Variants in TYW1 observed in about 807,000 individuals in gnomAD.
TYW1 encodes the protein S-adenosyl-L-methionine-dependent tRNA 4-demethylwyosine synthase TYW1.
A neutral mutation model predicts 96.2 loss-of-function variants in TYW1; 46 were observed. The ratio of observed to expected loss-of-function variants is 0.48; its 90% CI spans 0.38 to 0.61. The LOEUF (loss-of-function observed/expected upper bound fraction) is 0.61. TYW1 is among the 20% of genes least tolerant of loss of function. The pLI is 0.00. For synonymous variants in TYW1, 274 were observed against 323.0 expected, an observed-to-expected ratio of 0.85 and a Z score of 1.63; for missense variants, 684 against 909.6, an observed-to-expected ratio of 0.75 and a Z score of 3.19.
chr7:67,183,244 C>T lies in TYW1; in HGVS notation c.1809+8C>T, dbSNP rs1222343855. 1 of 1,594,122 alleles carries T rather than the reference C, an allele frequency of 6.3e-7. No homozygotes were observed. The highest frequency in any genetic ancestry group is 1.1e-5 in the South Asian group (1 of 87,524). On this transcript the variant is annotated splice_region_variant and intron_variant, in intron 14 of 15. Transcript: ENST00000359626. ...GACTTCATCGAAGTGAAGGTAAGCC[C>T]CTGCTGACTCTGGTGGCTGTGGTGG...
intron 10 of TYW1, among the ~76,000 whole-genome samples, chr7:67,067,629 T>C (rs977466674): frequency 4.6e-5 from 7 of 152,254 alleles, no homozygotes; most frequent in African/African-American, 1.7e-4. Context: ...GGACAGTTTG[T>C]CTTTTTTAAC....
chr7:67,202,418 G>A (rs1307400193), intron 15 of TYW1, among the ~76,000 whole-genome samples: 1 of 152,002 alleles, frequency 6.6e-6, no homozygotes, highest in Non-Finnish European at 1.5e-5. Flanking sequence ...TGGAGACAGG[G>A]TCTCATCTCG....
At position 67,172,252 on chromosome 7, in the gene TYW1, A is replaced by C. The variant is rs571259741; in HGVS notation, c.1699-10874A>C. On this transcript the variant is annotated intron_variant, in intron 13 of 15. Coordinates refer to ENST00000359626, the MANE Select transcript of TYW1 (RefSeq NM_018264.4). ...TTATTGTTCTTTTAGTTGTTGCCCT[A>C]GTGATTGACGCAGGCATGCTTGACT... Among the ~76,000 whole-genome samples, 215 of 151,556 alleles carry C rather than the reference A, an allele frequency of 1.4e-3. 1 individual carries two copies. Among genetic ancestry groups the C allele is most frequent in the African/African-American group, 4.9e-3 (201 of 41,334 alleles).
chr7:67,013,441 A>G (rs1257438319), intron 4 of TYW1, among the ~76,000 whole-genome samples: 2 of 152,060 alleles, frequency 1.3e-5, no homozygotes, highest in Non-Finnish European at 2.9e-5. Context: ...CTGCCTTGAT[A>G]TGGATATTCA....
At chr7:67,123,513 G>A (rs1045667928) in intron 13 of TYW1, among the ~76,000 whole-genome samples, 13 of 152,198 alleles carry the variant, frequency 8.5e-5, no homozygotes, top group African/African-American at 2.7e-4. Flanking sequence ...TCTTAGGTTC[G>A]TGTTGAGGCA....
At chr7:67,123,902 T>C (rs1309891869) in intron 13 of TYW1, among the ~76,000 whole-genome samples, 1 of 152,156 alleles carries the variant, frequency 6.6e-6, no homozygotes, top group African/African-American at 2.4e-5. Flanking sequence ...GTGCAGTGTT[T>C]TGTGTGGAAG....
chr7:67,212,615 G>A (rs1232115543), intron 15 of TYW1, among the ~76,000 whole-genome samples: 2 of 152,082 alleles, frequency 1.3e-5, no homozygotes, highest in Non-Finnish European at 2.9e-5. Context: ...TTGATGAATG[G>A]CTGTTCCTGT....
At chr7:67,005,364 G>A (rs1366003758) in intron 3 of TYW1, among the ~76,000 whole-genome samples, 3 of 152,186 alleles carry the variant, frequency 2.0e-5, no homozygotes, top group African/African-American at 7.2e-5. Flanking sequence ...GGGAGGCCAA[G>A]GCAGGTGGAT....
At chr7:67,074,086 AAAG>A (rs1405921345) in intron 10 of TYW1, among the ~76,000 whole-genome samples, 16 of 151,946 alleles carry the variant, frequency 1.1e-4, no homozygotes, top group Admixed American at 9.8e-4. Context: ...AAAAAAAAAA[AAAG>A]AAATAAAATG....
intron 9 of TYW1, among the ~76,000 whole-genome samples, chr7:67,056,892 C>T (rs148150768): frequency 0.032 from 4,853 of 152,234 alleles, 283 homozygotes; most frequent in East Asian, 0.16. Context: ...TTTATACTTG[C>T]TCAGCAATTT....
intron 13 of TYW1, among the ~76,000 whole-genome samples, chr7:67,145,588 A>G (rs1798584626): frequency 6.6e-6 from 1 of 152,158 alleles, no homozygotes; most frequent in South Asian, 2.1e-4. Context: ...TTCCTGTGTT[A>G]CTATTGTTTC....
At chr7:67,003,936 C>T (rs1252181382) in intron 3 of TYW1, among the ~76,000 whole-genome samples, 2 of 152,070 alleles carry the variant, frequency 1.3e-5, no homozygotes, top group African/African-American at 2.4e-5. Flanking sequence ...CCCAGCTACA[C>T]GGGAGGCTAA....
At chr7:67,073,406 A>C (rs182141092) in intron 10 of TYW1, among the ~76,000 whole-genome samples, 3 of 152,298 alleles carry the variant, frequency 2.0e-5, no homozygotes, top group Non-Finnish European at 4.4e-5. Context: ...TGAGGTTGAA[A>C]TAACCTGTGT....
intron 11 of TYW1, among the ~76,000 whole-genome samples, chr7:67,092,659 C>T (rs1242729475): frequency 4.7e-5 from 7 of 148,220 alleles, no homozygotes; most frequent in African/African-American, 1.5e-4. Context: ...TTCTTTTCCA[C>T]GTGCCTATCA....
At chr7:67,212,681 GT>G (rs915500859) in intron 15 of TYW1, among the ~76,000 whole-genome samples, 2 of 145,950 alleles carry the variant, frequency 1.4e-5, no homozygotes, top group African/African-American at 5.1e-5. Context: ...GTTTTTTTTT[GT>G]TTTTTTTGAG....
intron 5 of TYW1, 21 bp from the exon 6 acceptor site, chr7:67,017,832 C>T (rs765797043): frequency 6.2e-7 from 1 of 1,600,988 alleles, no homozygotes; most frequent in Admixed American, 1.7e-5. Context: ...TGCTTTTAGC[C>T]TATCTATCTT....
At chr7:67,190,255 A>G (rs1174796768) in intron 14 of TYW1, among the ~76,000 whole-genome samples, 1 of 152,244 alleles carries the variant, frequency 6.6e-6, no homozygotes, top group Non-Finnish European at 1.5e-5. Flanking sequence ...CAGCTGGTTC[A>G]TACCTGTTAC....
chr7:67,200,142 G>A (rs1330731016), intron 15 of TYW1, among the ~76,000 whole-genome samples: 1 of 152,148 alleles, frequency 6.6e-6, no homozygotes, highest in Non-Finnish European at 1.5e-5. Flanking sequence ...GGCACCAAGT[G>A]TGCGCCAGGA....
rs1253044760 is a variant in TYW1, at chr7:67,029,298, TTAAGATTTAAAAAAATGATGTGGA to T, written c.984+4277_984+4300del. Among the ~76,000 whole-genome samples the T allele has an allele frequency of 4.3e-3, 328 of 75,518 alleles. 1 individual carries two copies. The highest frequency in any genetic ancestry group is 0.013 in the African/African-American group (300 of 23,260). 49.5% of individuals were successfully genotyped at this position (75,518 alleles called of 152,430 possible). ...CCGCGCCCGGCTGGCTGATATGGAC[TTAAGATTTAAAAAAATGATGTGGA>T]CTTAAGATTTAAAAAAATGTGCATT... On this transcript the variant is annotated intron_variant, in intron 7 of 15. Transcript: ENST00000359626.
Sources: gnomAD v4.1 joint callset for allele counts (sites outside exome capture counted in the v4.1 genomes callset) on GRCh38, gnomAD v4.1.1 for gene constraint, MANE v1.5 for transcripts, NCBI Gene and HGNC (gene_info 2026-07-23, HGNC 2026-07-21) for gene names.